The following NPC1L1 variants were observed in gnomAD, a reference collection of about 807,000 sequenced individuals.
NPC1L1 encodes NPC1 like intracellular cholesterol transporter 1, also known as NPC1-like intracellular cholesterol transporter 1.
Under a neutral mutation model 117.0 loss-of-function variants are expected in NPC1L1, and 98 were observed. The ratio of observed to expected loss-of-function variants is 0.84; its 90% CI spans 0.71 to 0.99. The LOEUF (loss-of-function observed/expected upper bound fraction) is 0.99. Among genes scored for constraint, NPC1L1 ranks in the 50% least tolerant of loss-of-function variants. The pLI is 0.00. For synonymous variants in NPC1L1, 729 were observed against 727.6 expected (o/e 1.00, Z -0.03); for missense variants, 1,540 against 1,710.0 (o/e 0.90, Z 1.75).
intron 8 of NPC1L1, chr7:44,533,138 C>G: frequency 6.5e-6 from 2 of 308,776 alleles, no homozygotes; most frequent in South Asian, 3.2e-5. Context: ...AGATTTTCAA[C>G]TGCTTAGACA....
At position 44,538,921 on chromosome 7, in the gene NPC1L1, C is replaced by T. The variant is rs1801982645; in HGVS notation, c.1476G>A (p.Gln492=). ...GGAGCGTGCGGTTGTTCTGGAAATA[C>T]TGCAGGAGGCTGTTGATGCAGCAGT... is the stretch of plus-strand genomic sequence containing the variant. The part of the protein sequence containing the change: ...LYDCCINSLL[Q]YFQNNRTLLL... The change falls in exon 2 of 19, where the codon CAG becomes CAA. Residue 492 remains glutamine (Q), a synonymous_variant. Transcript: ENST00000381160. This position sits in a 1 kb window ranked among gnomAD's most constrained non-coding sequence, Gnocchi z 5.9. 3.7e-6 allele frequency: 6 copies of T among 1,614,212 alleles called. No homozygotes were observed. Among genetic ancestry groups the T allele is most frequent in the Non-Finnish European group, 5.1e-6 (6 of 1,180,028 alleles).
At chr7:44,521,261 A>T (rs1243538716) in intron 12 of NPC1L1, 143 bp from the exon 13 acceptor site, 3 of 1,152,296 alleles carry the variant, frequency 2.6e-6, no homozygotes, top group Non-Finnish European at 3.8e-6. Flanking sequence ...TGCATTTGTC[A>T]TTTGTGGGAG....
intron 18 of NPC1L1, among the ~76,000 whole-genome samples, chr7:44,513,910 C>A (rs1365404214): frequency 6.6e-6 from 1 of 152,116 alleles, no homozygotes; most frequent in Non-Finnish European, 1.5e-5. Flanking sequence ...CCAAGCACAC[C>A]CCACGACTGC....
At chr7:44,537,654 T>C (rs1414334459) in intron 2 of NPC1L1, among the ~76,000 whole-genome samples, 2 of 152,200 alleles carry the variant, frequency 1.3e-5, no homozygotes. Context: ...CTGTGTGACC[T>C]TGAGCAGCTT....
At chr7:44,520,647 A>G in intron 14 of NPC1L1, 118 bp downstream of exon 14, 1 of 883,976 alleles carries the variant, frequency 1.1e-6, no homozygotes. Flanking sequence ...GGGCCAGCGC[A>G]GTGAGAACCT....
At chr7:44,533,926 G>A (rs1801783280) in intron 6 of NPC1L1, 73 bp from the exon 7 acceptor site, 4 of 1,295,580 alleles carry the variant, frequency 3.1e-6, no homozygotes, top group Non-Finnish European at 4.4e-6. Flanking sequence ...GCAGGGAGTT[G>A]GCAAGTGCCC....
At chr7:44,522,460 C>T (rs1212164975) in intron 10 of NPC1L1, among the ~76,000 whole-genome samples, 1 of 152,086 alleles carries the variant, frequency 6.6e-6, no homozygotes, top group East Asian at 1.9e-4. Flanking sequence ...CAGAGATATA[C>T]ACGTAGATAC....
At chr7:44,526,632 T>C (rs890700073) in intron 10 of NPC1L1, among the ~76,000 whole-genome samples, 1 of 151,832 alleles carries the variant, frequency 6.6e-6, no homozygotes, top group Middle Eastern at 3.4e-3. Flanking sequence ...CCCAATACTT[T>C]GGGAGGCTGA....
rs1378554899 is a variant in NPC1L1 at position 44,540,360 on chromosome 7, A to G, written c.55-18T>C. The G allele has an allele frequency of 6.2e-7, 1 of 1,608,214 alleles. No homozygotes were observed. The highest frequency in any genetic ancestry group is 8.5e-7 in the Non-Finnish European group (1 of 1,179,148). On this transcript the variant is annotated intron_variant, in intron 1 of 18. Transcript: ENST00000381160. The stretch of plus-strand genomic sequence containing the variant: ...CTCTGGGCCTGCAGAGCACAGCAAC[A>G]TCACGCGTGGGCCCTGACACAGCTG...
intron 14 of NPC1L1, 127 bp downstream of exon 14, chr7:44,520,638 G>A (rs911540984): frequency 4.6e-5 from 38 of 835,114 alleles, no homozygotes; most frequent in Admixed American, 3.4e-4. Flanking sequence ...CTGCTGACAG[G>A]GCCAGCGCAG....
rs763022264 is a variant in NPC1L1 at position 44,513,292 on chromosome 7, C to A, written c.*155G>T. 5.0e-5 allele frequency: 37 copies of A among 735,276 alleles called. No homozygotes were observed. The highest frequency in any genetic ancestry group is 7.6e-5 in the Non-Finnish European group (32 of 421,712). 45.5% of individuals were successfully genotyped at this position (735,276 alleles called of 1,614,324 possible). A position where few individuals can be genotyped will look rare whatever the true frequency, so the allele number is the denominator to read the frequency against. ...AGCCATCAGTGGTGCTGCCTGGATACCTCAAGAGCAGGCCATCCTCCAGTG... is the reference window on the plus strand; with the variant it reads ...AGCCATCAGTGGTGCTGCCTGGATAACTCAAGAGCAGGCCATCCTCCAGTG... On this transcript the variant is annotated 3_prime_UTR_variant, in exon 19 of 19. Coordinates refer to ENST00000381160, the MANE Select transcript of NPC1L1 (RefSeq NM_001101648.2).
intron 12 of NPC1L1, 81 bp from the exon 13 acceptor site, chr7:44,521,199 C>G: frequency 6.3e-7 from 1 of 1,593,746 alleles, no homozygotes; most frequent in Non-Finnish European, 8.6e-7. Context: ...CCCAACAATC[C>G]CATCAAAGGT....
At chr7:44,521,935 G>A in intron 11 of NPC1L1, 99 bp from the exon 12 acceptor site, 1 of 1,597,904 alleles carries the variant, frequency 6.3e-7, no homozygotes. Context: ...CAGGCATACG[G>A]CAGCAAGGCA....
At position 44,530,073 on chromosome 7, in the gene NPC1L1, C is replaced by T. The variant is rs1031761668; in HGVS notation, c.2637+1682G>A. On this transcript the variant is annotated intron_variant, in intron 10 of 18. Transcript: ENST00000381160. ...AAAGTAGAGGCCAGGTGCGGTGGCT[C>T]ACACCTGTAATCCCAGCACTTTGGG... 5.3e-5 allele frequency among the ~76,000 whole-genome samples: 8 copies of T among 150,992 alleles called. No homozygotes were observed. The South Asian group carries it at 1.7e-3, about 32-fold the overall frequency.
chr7:44,513,494 CACCTTTGATAGA>C lies in NPC1L1; in HGVS notation c.3940_3951del (p.Ser1314_Gly1317del), dbSNP rs1801100363. ...GGCAAGAAGTTGCTGATGGCACCAG[CACCTTTGATAGA>C]ACCTTCAAAGCTGTGGTTGACATAG... is the stretch of plus-strand genomic sequence containing the variant. On this transcript the variant is annotated inframe_deletion, in exon 19 of 19. Transcript: ENST00000381160. 6.2e-7 allele frequency: 1 copy of C among 1,614,104 alleles called. No homozygotes were observed. The highest frequency in any genetic ancestry group is 1.7e-5 in the Admixed American group (1 of 60,012).
Position 44,522,159 on chromosome 7 carries a change from G to A in NPC1L1, c.2721C>T (p.Gly907=), listed in dbSNP as rs1801380047. 6 of 1,613,984 alleles carry A rather than the reference G, an allele frequency of 3.7e-6. No individual in the cohort carries two copies. Among genetic ancestry groups the A allele is most frequent in the East Asian group, 4.5e-5 (2 of 44,872 alleles). Residue 907 remains glycine, a synonymous_variant, in exon 11 of 19, where the codon GGC becomes GGT. Coordinates refer to ENST00000381160, the MANE Select transcript of NPC1L1 (RefSeq NM_001101648.2). ...GAPVYFVTTL[G]YNFSSEAGMN... The stretch of plus-strand genomic sequence containing the variant: ...TCCCAGCCTCGCTGGAGAAGTTGTA[G>A]CCCAAGGTGGTAACAAAGTACACCG...
In NPC1L1 at chr7:44,534,449, G is replaced by T; in HGVS notation, c.2164C>A (p.Gln722Lys). The change falls in exon 6 of 19, where the codon CAG (glutamine) becomes AAG (lysine). Residue 722 changes from glutamine (Q) to lysine (K), a missense_variant and splice_region_variant. This residue lies in a region of NPC1L1 where 742 missense variants were observed against 873.6 expected (regional missense o/e 0.85). Coordinates refer to ENST00000381160, the MANE Select transcript of NPC1L1 (RefSeq NM_001101648.2). The surrounding 1 kb of genome is among the most constrained non-coding windows in gnomAD (Gnocchi z 5.2). The part of the protein sequence containing the change: ...DNIFIFVLEY[Q>K]RLPRRPGEPR... Reference sequence around the variant, plus strand: ...GTGGAGAGCTCCTCCCTTCTTACCTGGTACTCGAGAACAAAGATGAAGATG... The same window carrying T: ...GTGGAGAGCTCCTCCCTTCTTACCTTGTACTCGAGAACAAAGATGAAGATG... 1 of 1,614,002 alleles carries T rather than the reference G, an allele frequency of 6.2e-7. No individual in the cohort carries two copies. The highest frequency in any genetic ancestry group is 8.5e-7 in the Non-Finnish European group (1 of 1,179,942).
rs1032732407 is a variant in NPC1L1, at chr7:44,538,973, AG to A, written c.1423del (p.Leu475SerfsTer35). ...GTAGAGACTGGTATTGTCCGGATTG[AG>A]GGGGGCGTAGCAGATGTCCTGCAGG... is the stretch of plus-strand genomic sequence containing the variant. ...ISLQDICYAP[L>X]NPDNTSLYDC... is the part of the protein sequence containing the mutation. On this transcript the variant is annotated frameshift_variant, in exon 2 of 19. Transcript: ENST00000381160. LOFTEE classifies it high-confidence loss of function. The surrounding 1 kb of genome is among the most constrained non-coding windows in gnomAD (Gnocchi z 5.9). 6.2e-7 allele frequency: 1 copy of A among 1,614,132 alleles called. No individual in the cohort carries two copies. Among genetic ancestry groups the A allele is most frequent in the Non-Finnish European group, 8.5e-7 (1 of 1,180,022 alleles).
chr7:44,540,683 A>G (rs1802072911), intron 1 of NPC1L1, among the ~76,000 whole-genome samples: 1 of 152,010 alleles, frequency 6.6e-6, no homozygotes, highest in African/African-American at 2.4e-5. Flanking sequence ...CCACATCCAG[A>G]GGCCAGGGTC....
Sources: gnomAD v4.1 joint callset for allele counts (sites outside exome capture counted in the v4.1 genomes callset) on GRCh38, gnomAD v4.1.1 for gene constraint, gnomAD v4.1.1 regional missense constraint, Gnocchi (gnomAD v3.1) non-coding constraint, MANE v1.5 for transcripts, NCBI Gene and HGNC (gene_info 2026-07-23, HGNC 2026-07-21) for gene names.